The following INIP variants were observed in gnomAD, a reference collection of about 807,000 sequenced individuals.
INIP encodes SOSS complex subunit C.
INIP carries 9 observed loss-of-function variants against 14.0 expected under a neutral mutation model. The ratio of observed to expected loss-of-function variants is 0.64; its 90% CI spans 0.39 to 1.12. The LOEUF is 1.12. INIP is among the 50% of genes most tolerant of loss of function. The probability of loss-of-function intolerance (pLI) is 0.01; values close to 1 mark genes in which losing one functional copy is unlikely to be tolerated. For missense variants in INIP, 78 were observed against 122.7 expected, an observed-to-expected ratio of 0.64 and a Z score of 1.72; for synonymous variants, 37 against 41.5, an observed-to-expected ratio of 0.89 and a Z score of 0.41.
intron 2 of INIP, among the ~76,000 whole-genome samples, chr9:112,700,699 T>C (rs1351153963): frequency 6.6e-6 from 1 of 151,702 alleles, no homozygotes; most frequent in East Asian, 1.9e-4. Flanking sequence ...AAAAATTACA[T>C]ACTTGTATGT....
At chr9:112,716,589 CA>C in intron 1 of INIP, 48 bp from the exon 2 acceptor site, 1 of 975,426 alleles carries the variant, frequency 1.0e-6, no homozygotes, top group South Asian at 1.3e-5. Context: ...ATTTTAATCA[CA>C]AACTAAAAGG....
intron 2 of INIP, among the ~76,000 whole-genome samples, chr9:112,707,371 G>A (rs1049222017): frequency 6.7e-6 from 1 of 148,194 alleles, no homozygotes; most frequent in African/African-American, 2.5e-5. Flanking sequence ...TCTGTTGCCT[G>A]GTTTTTGTTT....
At chr9:112,702,967 T>C (rs1281711703) in intron 2 of INIP, among the ~76,000 whole-genome samples, 1 of 152,242 alleles carries the variant, frequency 6.6e-6, no homozygotes, top group African/African-American at 2.4e-5. Flanking sequence ...ATTGTTTGTA[T>C]GAATTTTTTT....
At chr9:112,690,206 C>T (rs1837831998) in intron 3 of INIP, among the ~76,000 whole-genome samples, 1 of 152,114 alleles carries the variant, frequency 6.6e-6, no homozygotes, top group African/African-American at 2.4e-5. Context: ...GTATAACCCT[C>T]TTGGCCAGGC....
chr9:112,713,129 T>C (rs1213815006), intron 2 of INIP, among the ~76,000 whole-genome samples: 1 of 152,152 alleles, frequency 6.6e-6, no homozygotes, highest in Non-Finnish European at 1.5e-5. Context: ...ATAACCCAAT[T>C]TTTAAAAAAT....
intron 2 of INIP, among the ~76,000 whole-genome samples, chr9:112,705,556 C>T (rs1418227148): frequency 6.6e-6 from 1 of 152,062 alleles, no homozygotes; most frequent in African/African-American, 2.4e-5. Context: ...AGTGATTCTC[C>T]CACTTTGGCC....
At position 112,685,539 on chromosome 9, in the gene INIP, A is replaced by G. The variant is rs182138559; in HGVS notation, c.*1999T>C. On this transcript the variant is annotated 3_prime_UTR_variant, in exon 5 of 5. Coordinates refer to ENST00000374242, the MANE Select transcript of INIP (RefSeq NM_021218.3). ...GGCCATATCTATTTAAAAGAAGACT[A>G]ACAAACAGACTAGAAACGATAACAC... is the stretch of plus-strand genomic sequence containing the variant. 12 of 152,002 alleles carry G rather than the reference A, an allele frequency of 7.9e-5. No individual in the cohort carries two copies. The highest frequency in any genetic ancestry group is 2.7e-4 in the African/African-American group (11 of 41,354). The allele number at this position is 152,002 out of a possible 1,614,324, so 9.4% of individuals were successfully genotyped here.
At chr9:112,700,318 G>A (rs1199361781) in intron 2 of INIP, among the ~76,000 whole-genome samples, 2 of 152,034 alleles carry the variant, frequency 1.3e-5, no homozygotes, top group African/African-American at 4.8e-5. Context: ...TGTCCAACTA[G>A]TATAGGTAGT....
rs185482651 is a variant in INIP at position 112,687,890 on chromosome 9, C to T, written c.220-257G>A. On this transcript the variant is annotated intron_variant, in intron 4 of 4. Transcript: ENST00000374242. ...CACGAGGTCAGGAGATCGAGACCAT[C>T]CTGGCTAACGTGGTGAAACCCCGTC... is the stretch of plus-strand genomic sequence containing the variant. 7.9e-3 allele frequency among the ~76,000 whole-genome samples: 1,206 copies of T among 152,102 alleles called. 19 individuals carry two copies. The highest frequency in any genetic ancestry group is 0.028 in the African/African-American group (1,142 of 41,488).
At chr9:112,712,737 G>A (rs1401745754) in intron 2 of INIP, among the ~76,000 whole-genome samples, 2 of 152,168 alleles carry the variant, frequency 1.3e-5, no homozygotes, top group African/African-American at 2.4e-5. Context: ...AGTTATTAAA[G>A]TTAGAGCATT....
At chr9:112,710,129 G>GGA (rs371247757) in intron 2 of INIP, among the ~76,000 whole-genome samples, 24 of 152,274 alleles carry the variant, frequency 1.6e-4, no homozygotes, top group African/African-American at 5.8e-4. Context: ...CTTTCCTTCT[G>GGA]GACCATATAT....
rs139529230 is a variant in INIP at position 112,706,933 on chromosome 9, T to C, written c.25+9528A>G. ...TTTATTTATTTATTTATTTTTGAGA[T>C]GGAGTTTCACTCATGTCGCCCAGGC... On this transcript the variant is annotated intron_variant, in intron 2 of 4. Transcript: ENST00000374242. 7.2e-3 allele frequency among the ~76,000 whole-genome samples: 1,090 copies of C among 152,072 alleles called. 20 individuals carry two copies. The highest frequency in any genetic ancestry group is 0.025 in the African/African-American group (1,040 of 41,480).
chr9:112,710,282 A>G (rs1240379532), intron 2 of INIP, among the ~76,000 whole-genome samples: 6 of 152,168 alleles, frequency 3.9e-5, no homozygotes, highest in African/African-American at 1.2e-4. Flanking sequence ...CTACTACCTG[A>G]TCTGCAGATC....
intron 4 of INIP, among the ~76,000 whole-genome samples, chr9:112,689,207 G>C (rs2131279667): frequency 6.6e-6 from 1 of 152,068 alleles, no homozygotes; most frequent in East Asian, 1.9e-4. Context: ...GAAAAAAAAT[G>C]CATGTACTAT....
chr9:112,702,245 G>T (rs1421218725), intron 2 of INIP, among the ~76,000 whole-genome samples: 1 of 152,004 alleles, frequency 6.6e-6, no homozygotes, highest in Non-Finnish European at 1.5e-5. Flanking sequence ...AAAATATTTT[G>T]GGGTCACTGT....
chr9:112,692,643 C>T (rs1200927666), intron 3 of INIP, among the ~76,000 whole-genome samples: 2 of 151,344 alleles, frequency 1.3e-5, no homozygotes, highest in Non-Finnish European at 1.5e-5. Context: ...TAATAAAGAT[C>T]ATCAAGCTAC....
intron 2 of INIP, among the ~76,000 whole-genome samples, chr9:112,710,397 C>T (rs1016889655): frequency 2.0e-5 from 3 of 152,182 alleles, no homozygotes; most frequent in African/African-American, 7.2e-5. Flanking sequence ...TAAAATCAGG[C>T]TGAACCAATC....
intron 2 of INIP, among the ~76,000 whole-genome samples, chr9:112,706,344 G>A (rs562868479): frequency 6.6e-6 from 1 of 152,272 alleles, no homozygotes; most frequent in East Asian, 1.9e-4. Context: ...AAATCCCTGG[G>A]CTCAAGCGAT....
At chr9:112,716,962 CAAAAAAAAAA>C (rs553313367) in intron 1 of INIP, among the ~76,000 whole-genome samples, 3 of 78,070 alleles carry the variant, frequency 3.8e-5, no homozygotes, top group Non-Finnish European at 8.1e-5. Flanking sequence ...GACTCGGTCT[CAAAAAAAAAA>C]AAAAAGAAAA....
Sources: allele counts gnomAD v4.1 joint callset (sites outside exome capture counted in the v4.1 genomes callset), GRCh38; gene constraint gnomAD v4.1.1; transcripts MANE v1.5; gene names NCBI Gene and HGNC (gene_info 2026-07-23, HGNC 2026-07-21).